The following ASAP1 variants were observed in gnomAD, a reference collection of about 807,000 sequenced individuals.
The protein encoded by ASAP1 is ArfGAP with SH3 domain, ankyrin repeat and PH domain 1, also known as arf-GAP with SH3 domain, ANK repeat and PH domain-containing protein 1.
ASAP1 carries 43 observed loss-of-function variants against 145.2 expected under a neutral mutation model. The observed-to-expected ratio is 0.30, with a 90% CI of 0.23 to 0.38. The LOEUF is 0.38. ASAP1 is among the 10% of genes least tolerant of loss of function. The probability of loss-of-function intolerance (pLI) is 1.00; values close to 1 mark genes in which losing one functional copy is unlikely to be tolerated. For synonymous variants in ASAP1, 546 were observed against 515.5 expected (o/e 1.06, Z -0.80); for missense variants, 1,018 against 1,355.3 (o/e 0.75, Z 3.91).
intron 24 of ASAP1, among the ~76,000 whole-genome samples, chr8:130,106,878 C>T (rs1019049630): frequency 3.3e-5 from 5 of 152,226 alleles, no homozygotes; most frequent in African/African-American, 1.2e-4. Context: ...ACTGTGTCCT[C>T]TTTCCCTGGA....
At chr8:130,406,007 A>G (rs1829011246) in intron 1 of ASAP1, among the ~76,000 whole-genome samples, 1 of 152,174 alleles carries the variant, frequency 6.6e-6, no homozygotes, top group South Asian at 2.1e-4. Context: ...ATTAAAATCA[A>G]TTATTATCCC....
chr8:130,072,825 G>GCGCGCA (rs1554816402), intron 27 of ASAP1, among the ~76,000 whole-genome samples: 2 of 54,116 alleles, frequency 3.7e-5, no homozygotes, highest in South Asian at 6.9e-4. Flanking sequence ...GTGTGTGTGT[G>GCGCGCA]CGCGCGGGGG....
At chr8:130,091,314 T>A (rs1293902159) in intron 25 of ASAP1, among the ~76,000 whole-genome samples, 2 of 152,164 alleles carry the variant, frequency 1.3e-5, no homozygotes, top group Admixed American at 1.3e-4. Context: ...GAAGCTGCGT[T>A]GGAGGGCGGG....
At chr8:130,351,342 T>C (rs1825980078) in intron 3 of ASAP1, among the ~76,000 whole-genome samples, 2 of 152,226 alleles carry the variant, frequency 1.3e-5, no homozygotes, top group South Asian at 4.1e-4. Flanking sequence ...TCTGTGAGCC[T>C]TTATGTATTC....
chr8:130,062,662 C>G (rs528084627), intron 27 of ASAP1, among the ~76,000 whole-genome samples: 1 of 152,304 alleles, frequency 6.6e-6, no homozygotes, highest in East Asian at 1.9e-4. Flanking sequence ...CAAAATACCC[C>G]ACCCTCTTCA....
At chr8:130,342,548 G>C (rs1260538602) in intron 3 of ASAP1, among the ~76,000 whole-genome samples, 1 of 152,070 alleles carries the variant, frequency 6.6e-6, no homozygotes, top group East Asian at 1.9e-4. Flanking sequence ...AATATACCCA[G>C]AAGCAATTTC....
At chr8:130,177,559 C>A (rs949560051) in intron 9 of ASAP1, among the ~76,000 whole-genome samples, 1 of 152,158 alleles carries the variant, frequency 6.6e-6, no homozygotes, top group Non-Finnish European at 1.5e-5. Context: ...AACTGCCCAA[C>A]CACACTACAA....
At chr8:130,252,006 G>A (rs375912759) in intron 3 of ASAP1, among the ~76,000 whole-genome samples, 2 of 152,188 alleles carry the variant, frequency 1.3e-5, no homozygotes, top group African/African-American at 4.8e-5. Flanking sequence ...CAAAACAACT[G>A]TTGCCATTTC....
chr8:130,077,595 G>T (rs190341048), intron 26 of ASAP1, among the ~76,000 whole-genome samples: 339 of 143,544 alleles, frequency 2.4e-3, no homozygotes, highest in Non-Finnish European at 2.7e-3. Context: ...CACCAGGCTG[G>T]AGTGCAGTGG....
At chr8:130,313,119 T>C (rs537558577) in intron 3 of ASAP1, among the ~76,000 whole-genome samples, 70 of 152,248 alleles carry the variant, frequency 4.6e-4, no homozygotes, top group Non-Finnish European at 7.9e-4. Flanking sequence ...CAAGTGCTTA[T>C]GTTCTCCTAG....
chr8:130,341,067 T>G (rs1292790988), intron 3 of ASAP1: 2 of 365,142 alleles, frequency 5.5e-6, no homozygotes, highest in East Asian at 1.4e-4. Flanking sequence ...ACCACGTGGC[T>G]GTGAGGGTGC....
chr8:130,341,441 T>C (rs1463589360), intron 3 of ASAP1, among the ~76,000 whole-genome samples: 1 of 152,182 alleles, frequency 6.6e-6, no homozygotes, highest in African/African-American at 2.4e-5. Context: ...AGACAGATCT[T>C]TGTATAAACC....
intron 4 of ASAP1, among the ~76,000 whole-genome samples, chr8:130,236,234 G>GT (rs1425520824): frequency 6.6e-6 from 1 of 152,102 alleles, no homozygotes; most frequent in East Asian, 1.9e-4. Context: ...AACAAAAGAT[G>GT]TGAGTGAGAA....
intron 1 of ASAP1, among the ~76,000 whole-genome samples, chr8:130,436,557 C>T (rs1338255549): frequency 1.3e-5 from 2 of 152,230 alleles, no homozygotes; most frequent in Non-Finnish European, 2.9e-5. Flanking sequence ...GCAATCCACC[C>T]GCCTTGGCCT....
chr8:130,326,045 G>A (rs924503909), intron 3 of ASAP1, among the ~76,000 whole-genome samples: 1 of 152,186 alleles, frequency 6.6e-6, no homozygotes, highest in African/African-American at 2.4e-5. Flanking sequence ...GCTGGCTTAG[G>A]AACCTAGGTC....
chr8:130,198,133 G>T (rs1815626964), intron 5 of ASAP1, among the ~76,000 whole-genome samples: 1 of 149,496 alleles, frequency 6.7e-6, no homozygotes, highest in South Asian at 2.1e-4. Context: ...ATTTTCATAA[G>T]ATTTTTTTTT....
chr8:130,319,794 C>T (rs897685843), intron 3 of ASAP1, among the ~76,000 whole-genome samples: 1 of 152,138 alleles, frequency 6.6e-6, no homozygotes, highest in Non-Finnish European at 1.5e-5. Context: ...TACACCCACA[C>T]AACAGAATAT....
At chr8:130,226,683 A>C (rs564845367) in intron 4 of ASAP1, among the ~76,000 whole-genome samples, 2 of 152,236 alleles carry the variant, frequency 1.3e-5, no homozygotes. Context: ...TGACAAATCC[A>C]TTAAATAACA....
chr8:130,070,582 C>A (rs1392932300), intron 27 of ASAP1, among the ~76,000 whole-genome samples: 4 of 151,896 alleles, frequency 2.6e-5, no homozygotes, highest in Non-Finnish European at 5.9e-5. Flanking sequence ...GAGCACCTCC[C>A]AGCAACAACT....
Sources: allele counts gnomAD v4.1 joint callset (sites outside exome capture counted in the v4.1 genomes callset), GRCh38; gene constraint gnomAD v4.1.1; transcripts MANE v1.5; gene names NCBI Gene and HGNC (gene_info 2026-07-23, HGNC 2026-07-21).